Variants in ARHGEF26 observed in about 807,000 individuals in gnomAD.
ARHGEF26 encodes the protein Rho guanine nucleotide exchange factor 26.
Under a neutral mutation model 89.4 loss-of-function variants are expected in ARHGEF26, and 59 were observed. The ratio of observed to expected loss-of-function variants is 0.66; its 90% CI spans 0.54 to 0.82. ARHGEF26 has a LOEUF of 0.82. Among genes scored for constraint, ARHGEF26 ranks in the 40% least tolerant of loss-of-function variants. The probability of loss-of-function intolerance (pLI) is 0.00; values close to 1 mark genes in which losing one functional copy is unlikely to be tolerated. For synonymous variants in ARHGEF26, 500 were observed against 428.4 expected (o/e 1.17, Z -2.06); for missense variants, 1,234 against 1,085.6 (o/e 1.14, Z -1.92).
At chr3:154,178,174 A>T (rs572875320) in intron 6 of ARHGEF26, among the ~76,000 whole-genome samples, 12 of 152,306 alleles carry the variant, frequency 7.9e-5, no homozygotes, top group African/African-American at 2.6e-4. Context: ...ACTGCACTCC[A>T]GCCTGGTTGA....
At position 154,122,023 on chromosome 3, in the gene ARHGEF26, A is replaced by G. The variant is rs763940482; in HGVS notation, c.31A>G (p.Ser11Gly). ...CGGCGAGAGCGAGGTGGATTTTTCT[A>G]GCAACAGCATAACCCCTTTGTGGCG... MDGESEVDFS[S>G]NSITPLWRRR... Residue 11 changes from serine to glycine, a missense_variant, in exon 2 of 15, where the codon AGC becomes GGC. By Grantham distance (56) the Ser-to-Gly change is moderately conservative. Transcript: ENST00000465093. The G allele has an allele frequency of 6.3e-7, 1 of 1,596,226 alleles. No individual in the cohort carries two copies. The highest frequency in any genetic ancestry group is 8.6e-7 in the Non-Finnish European group (1 of 1,165,960).
At chr3:154,129,321 G>C (rs1448147602) in intron 3 of ARHGEF26, among the ~76,000 whole-genome samples, 2 of 152,166 alleles carry the variant, frequency 1.3e-5, no homozygotes, top group Non-Finnish European at 2.9e-5. Context: ...ATGAGTAGTG[G>C]ACAGAGACAT....
chr3:154,180,226 CTT>C lies in ARHGEF26; in HGVS notation c.1488-7456_1488-7455del, dbSNP rs531841734. ...ATCATTAATTACTTCTATAAAATCA[CTT>C]TTACCATGTAAGATAACATATTCAC... On this transcript the variant is annotated intron_variant, in intron 6 of 14. Transcript: ENST00000465093. Among the ~76,000 whole-genome samples, 421 of 152,228 alleles carry C rather than the reference CTT, an allele frequency of 2.8e-3. 1 individual carries two copies. The highest frequency in any genetic ancestry group is 9.5e-3 in the African/African-American group (395 of 41,520).
At chr3:154,148,118 T>G (rs1719805648) in intron 4 of ARHGEF26, among the ~76,000 whole-genome samples, 1 of 152,184 alleles carries the variant, frequency 6.6e-6, no homozygotes, top group African/African-American at 2.4e-5. Flanking sequence ...TAGAGCCTGT[T>G]CTGTTACAGG....
At chr3:154,224,015 CTATTTCAGTACTATTTAGGATAG>C (rs1215794117) in intron 10 of ARHGEF26, among the ~76,000 whole-genome samples, 11 of 151,918 alleles carry the variant, frequency 7.2e-5, no homozygotes, top group African/African-American at 2.7e-4. Context: ...TAGGCACAGA[CTATTTCAGTACTATTTAGGATAG>C]TATTTCAGTA....
rs758882173 is a variant in ARHGEF26 at position 154,194,736 on chromosome 3, GT to G, written c.1845+21del. 1.2e-6 allele frequency: 2 copies of G among 1,603,752 alleles called. No individual in the cohort carries two copies. The highest frequency in any genetic ancestry group is 1.7e-6 in the Non-Finnish European group (2 of 1,173,310). On this transcript the variant is annotated intron_variant, in intron 9 of 14. Coordinates refer to ENST00000465093, the MANE Select transcript of ARHGEF26 (RefSeq NM_015595.4). ...TTAGCAAGGTAACTGTTGGGTGACA[GT>G]TTGTTTGTAAGACAGGAAACCATTC...
chr3:154,226,445 A>G (rs1009844000), intron 11 of ARHGEF26, among the ~76,000 whole-genome samples: 3 of 152,112 alleles, frequency 2.0e-5, no homozygotes, highest in Non-Finnish European at 4.4e-5. Flanking sequence ...GCTTTTAATG[A>G]TCCTTAGTCT....
rs1470434460 is a variant in ARHGEF26, at chr3:154,122,645, A to G, written c.653A>G (p.Gln218Arg). ...TCTTCGGAACAAAAACTCCCCCTCC[A>G]AAGGCTGCCCTCCCAGGAGAACGAG... ...KSSSEQKLPL[Q>R]RLPSQENELL... The change falls in exon 2 of 15, where the codon CAA (glutamine) becomes CGA (arginine). Residue 218 changes from glutamine (Q) to arginine (R), a missense_variant. Coordinates refer to ENST00000465093, the MANE Select transcript of ARHGEF26 (RefSeq NM_015595.4). The G allele has an allele frequency of 6.2e-7, 1 of 1,613,746 alleles. No individual in the cohort carries two copies.
intron 3 of ARHGEF26, among the ~76,000 whole-genome samples, chr3:154,125,250 A>G (rs547633502): frequency 2.6e-3 from 389 of 152,356 alleles, no homozygotes; most frequent in Middle Eastern, 0.01. Context: ...ACCCAGAGTT[A>G]TAAAATATGT....
chr3:154,244,145 A>G (rs1037161456), intron 12 of ARHGEF26, among the ~76,000 whole-genome samples: 1 of 152,252 alleles, frequency 6.6e-6, no homozygotes, highest in African/African-American at 2.4e-5. Flanking sequence ...AGTCAGGTAT[A>G]TAATTTCACT....
intron 6 of ARHGEF26, among the ~76,000 whole-genome samples, chr3:154,160,957 G>A (rs909394993): frequency 1.3e-5 from 2 of 152,100 alleles, no homozygotes; most frequent in African/African-American, 2.4e-5. Context: ...TACCCCAGCA[G>A]CAGGGCAGCA....
intron 6 of ARHGEF26, among the ~76,000 whole-genome samples, chr3:154,163,060 G>A (rs1287079848): frequency 2.0e-5 from 3 of 152,052 alleles, no homozygotes; most frequent in Non-Finnish European, 4.4e-5. Context: ...CAAAAATTGG[G>A]TAAATAATTG....
intron 6 of ARHGEF26, among the ~76,000 whole-genome samples, chr3:154,176,663 G>T (rs138725204): frequency 6.6e-6 from 1 of 152,162 alleles, no homozygotes; most frequent in African/African-American, 2.4e-5. Context: ...TGTGCTTTAC[G>T]TAGACGGTGT....
chr3:154,138,420 T>C (rs914735771), intron 4 of ARHGEF26, among the ~76,000 whole-genome samples: 6 of 152,204 alleles, frequency 3.9e-5, no homozygotes, highest in Admixed American at 1.3e-4. Flanking sequence ...GTTGGAACTT[T>C]ATGTAACTCC....
At chr3:154,148,015 C>G (rs1719800359) in intron 4 of ARHGEF26, among the ~76,000 whole-genome samples, 1 of 152,174 alleles carries the variant, frequency 6.6e-6, no homozygotes, top group African/African-American at 2.4e-5. Context: ...CCTCCAGACA[C>G]CTGCTATAAG....
intron 12 of ARHGEF26, among the ~76,000 whole-genome samples, chr3:154,242,599 G>A (rs761914191): frequency 1.3e-5 from 2 of 152,208 alleles, no homozygotes; most frequent in East Asian, 1.9e-4. Flanking sequence ...AGAATATTCC[G>A]TAAACTGAAT....
intron 13 of ARHGEF26, among the ~76,000 whole-genome samples, chr3:154,253,834 A>AAATT (rs1718313478): frequency 6.6e-6 from 1 of 152,220 alleles, no homozygotes; most frequent in Non-Finnish European, 1.5e-5. Flanking sequence ...GAACACTCAA[A>AAATT]AATTATAGCT....
At chr3:154,211,894 T>C (rs1393387372) in intron 9 of ARHGEF26, among the ~76,000 whole-genome samples, 2 of 152,054 alleles carry the variant, frequency 1.3e-5, no homozygotes, top group African/African-American at 4.8e-5. Flanking sequence ...TGTATTTTAT[T>C]GATATGTAGA....
intron 4 of ARHGEF26, among the ~76,000 whole-genome samples, chr3:154,131,678 A>G (rs901866219): frequency 6.6e-6 from 1 of 152,212 alleles, no homozygotes; most frequent in Non-Finnish European, 1.5e-5. Flanking sequence ...CTGTGGCAGC[A>G]GCTGGGTTTG....
Sources: allele counts gnomAD v4.1 joint callset (sites outside exome capture counted in the v4.1 genomes callset), GRCh38; gene constraint gnomAD v4.1.1; transcripts MANE v1.5; gene names NCBI Gene and HGNC (gene_info 2026-07-23, HGNC 2026-07-21).